CDC42SE2: variants seen among roughly 807,000 people sequenced by gnomAD.
CDC42SE2 encodes the protein CDC42 small effector 2, also known as CDC42 small effector protein 2.
Under a neutral mutation model 11.5 loss-of-function variants are expected in CDC42SE2, and 3 were observed. The observed-to-expected ratio is 0.26, with a 90% CI of 0.12 to 0.67. The LOEUF is 0.67. Ranked by LOEUF, CDC42SE2 falls within the 30% of genes least tolerant of loss-of-function variation. The pLI, the probability that CDC42SE2 is intolerant of heterozygous loss-of-function variation, is 0.80. For missense variants in CDC42SE2, 82 were observed against 106.8 expected (o/e 0.77, Z 1.02); for synonymous variants, 33 against 34.8 (o/e 0.95, Z 0.18).
intron 2 of CDC42SE2, among the ~76,000 whole-genome samples, chr5:131,333,673 G>T (rs1003411161): frequency 4.6e-5 from 7 of 152,034 alleles, no homozygotes; most frequent in Non-Finnish European, 1.0e-4. Context: ...TCCTTGAAGA[G>T]GTCCTTCACA....
chr5:131,331,721 G>T (rs1456461024), intron 2 of CDC42SE2, among the ~76,000 whole-genome samples: 1 of 152,108 alleles, frequency 6.6e-6, no homozygotes, highest in Non-Finnish European at 1.5e-5. Context: ...GACCCACTGT[G>T]ATTTGTGTAG....
At position 131,264,735 on chromosome 5, in the gene CDC42SE2, G is replaced by GTT. The variant is rs567068376; in HGVS notation, c.-455+570_-455+571dup. On this transcript the variant is annotated intron_variant, in intron 1 of 4. Transcript: ENST00000505065. The stretch of plus-strand genomic sequence containing the variant: ...CGCGGGAGCTGAGCTACTCTTACAG[G>GTT]TTGTTTTACCCAGTGCTTGCAGCTT... 4.9e-3 allele frequency among the ~76,000 whole-genome samples: 741 copies of GTT among 152,334 alleles called. 6 individuals are homozygous for GTT. Among genetic ancestry groups the GTT allele is most frequent in the Middle Eastern group, 6.8e-3 (2 of 294 alleles).
rs375935612 is a variant in CDC42SE2 at position 131,309,228 on chromosome 5, C to G, written c.-454-6748C>G. On this transcript the variant is annotated intron_variant, in intron 1 of 4. Transcript: ENST00000505065. ...TCATGTGGTTTTTGTCTTTGGCTCT[C>G]TTTATATGCTGGATTACATTTATTG... Among the ~76,000 whole-genome samples the G allele has an allele frequency of 4.9e-4, 75 of 151,860 alleles. No homozygotes were observed. In the South Asian group the frequency reaches 9.6e-3, roughly 19 times the overall value.
At chr5:131,350,437 A>G (rs1457960634) in intron 2 of CDC42SE2, among the ~76,000 whole-genome samples, 1 of 152,130 alleles carries the variant, frequency 6.6e-6, no homozygotes, top group Non-Finnish European at 1.5e-5. Flanking sequence ...AGTAAAACTT[A>G]ACAGAACTAT....
At chr5:131,320,904 A>G (rs1029056348) in intron 2 of CDC42SE2, among the ~76,000 whole-genome samples, 11 of 152,198 alleles carry the variant, frequency 7.2e-5, no homozygotes, top group African/African-American at 2.4e-4. Flanking sequence ...CTTTCTGGCA[A>G]TATTATAGCT....
chr5:131,229,290 C>A, the CDC42SE2 span, among the ~76,000 whole-genome samples: 6 of 152,120 alleles, frequency 3.9e-5, no homozygotes, highest in Non-Finnish European at 7.4e-5. Flanking sequence ...TCTAGGATTA[C>A]AGGCATGAGC....
At chr5:131,245,059 A>G (rs528296707), upstream of CDC42SE2, among the ~76,000 whole-genome samples, 1 of 152,326 alleles carries the variant, frequency 6.6e-6, no homozygotes, top group South Asian at 2.1e-4. Context: ...AAACCAACCA[A>G]TAGACTGGTG....
At chr5:131,334,795 T>G (rs1227287070) in intron 2 of CDC42SE2, among the ~76,000 whole-genome samples, 2 of 152,234 alleles carry the variant, frequency 1.3e-5, no homozygotes, top group African/African-American at 4.8e-5. Flanking sequence ...TGTATTTCTG[T>G]GGGATGGGTG....
intron 3 of CDC42SE2, among the ~76,000 whole-genome samples, chr5:131,359,793 A>C (rs565778417): frequency 3.3e-5 from 5 of 152,172 alleles, no homozygotes; most frequent in African/African-American, 1.2e-4. Flanking sequence ...TCTTCTGTCA[A>C]ATAGCTTCTG....
intron 1 of CDC42SE2, among the ~76,000 whole-genome samples, chr5:131,274,901 ATGAC>A (rs1757070217): frequency 6.6e-6 from 1 of 152,194 alleles, no homozygotes; most frequent in South Asian, 2.1e-4. Flanking sequence ...TCCTGAATGA[ATGAC>A]TGTTAATCTT....
intron 2 of CDC42SE2, among the ~76,000 whole-genome samples, chr5:131,355,656 A>C (rs1211838293): frequency 1.3e-5 from 2 of 152,160 alleles, no homozygotes; most frequent in Non-Finnish European, 2.9e-5. Flanking sequence ...GTTTCACACA[A>C]ACTGAGCGTA....
chr5:131,274,800 T>G (rs1415708116), intron 1 of CDC42SE2, among the ~76,000 whole-genome samples: 1 of 152,134 alleles, frequency 6.6e-6, no homozygotes. Context: ...TAGTGTTGCT[T>G]TAGTGCTAGT....
At chr5:131,381,144 C>G (rs1385759646) in intron 3 of CDC42SE2, among the ~76,000 whole-genome samples, 1 of 152,086 alleles carries the variant, frequency 6.6e-6, no homozygotes, top group South Asian at 2.1e-4. Context: ...TCTAGGAAAT[C>G]TCATTAACTT....
At chr5:131,240,155 T>C in the CDC42SE2 span, among the ~76,000 whole-genome samples, 1 of 152,378 alleles carries the variant, frequency 6.6e-6, no homozygotes, top group Admixed American at 6.5e-5. Flanking sequence ...TTACAGACTT[T>C]AACTATTTCT....
chr5:131,312,233 G>C (rs967906662), intron 1 of CDC42SE2, among the ~76,000 whole-genome samples: 2 of 151,716 alleles, frequency 1.3e-5, no homozygotes, highest in African/African-American at 2.4e-5. Context: ...CCTGCTGGGG[G>C]GTGCCTCCCA....
intron 4 of CDC42SE2, among the ~76,000 whole-genome samples, chr5:131,390,662 G>A (rs959056973): frequency 1.3e-5 from 2 of 151,762 alleles, no homozygotes; most frequent in Non-Finnish European, 2.9e-5. Flanking sequence ...GCAACAGAGC[G>A]AGACTGTCTT....
intron 3 of CDC42SE2, among the ~76,000 whole-genome samples, chr5:131,371,785 A>G (rs906795582): frequency 2.0e-5 from 3 of 152,244 alleles, no homozygotes; most frequent in Admixed American, 6.5e-5. Context: ...CATGTTGGAT[A>G]TAAAGTTGAA....
the CDC42SE2 span, among the ~76,000 whole-genome samples, chr5:131,217,946 G>A: frequency 2.0e-5 from 3 of 152,084 alleles, no homozygotes; most frequent in Non-Finnish European, 2.9e-5. Flanking sequence ...AGGCCGAGGC[G>A]GGTGGATTGC....
chr5:131,254,154 A>G (rs1756661749), intron 1 of CDC42SE2, among the ~76,000 whole-genome samples: 1 of 152,160 alleles, frequency 6.6e-6, no homozygotes, highest in African/African-American at 2.4e-5. Flanking sequence ...CATTTACATT[A>G]GGTATTTCTC....
Sources: gnomAD v4.1 joint callset for allele counts (sites outside exome capture counted in the v4.1 genomes callset) on GRCh38, gnomAD v4.1.1 for gene constraint, MANE v1.5 for transcripts, NCBI Gene and HGNC (gene_info 2026-07-23, HGNC 2026-07-21) for gene names.